The following KLKB1 variants were observed in gnomAD, a reference collection of about 807,000 sequenced individuals.
The protein encoded by KLKB1 is plasma kallikrein.
KLKB1 carries 58 observed loss-of-function variants against 73.6 expected under a neutral mutation model. The ratio of observed to expected loss-of-function variants is 0.79; its 90% CI spans 0.64 to 0.98. The LOEUF (loss-of-function observed/expected upper bound fraction) is 0.98, where lower values mean the gene tolerates loss of function less well. Ranked by LOEUF, KLKB1 falls within the 50% of genes least tolerant of loss-of-function variation. The pLI, the probability that KLKB1 is intolerant of heterozygous loss-of-function variation, is 0.00. For missense variants in KLKB1, 737 were observed against 763.8 expected, an observed-to-expected ratio of 0.96 and a Z score of 0.41; for synonymous variants, 280 against 258.1, an observed-to-expected ratio of 1.08 and a Z score of -0.81.
rs1391658179 is a variant in KLKB1, at chr4:186,257,342, G to A, written c.1702G>A (p.Glu568Lys). 1 of 1,597,074 alleles carries A rather than the reference G, an allele frequency of 6.3e-7. No homozygotes were observed. The highest frequency in any genetic ancestry group is 1.3e-5 in the African/African-American group (1 of 74,682). ...TQRMVCAGYK[E>K]GGKDACKGDS... ...ACGGATGGTCTGTGCTGGCTATAAAGAAGGGGGAAAAGATGCTTGTAAGGT... is the reference window on the plus strand; with the variant it reads ...ACGGATGGTCTGTGCTGGCTATAAAAAAGGGGGAAAAGATGCTTGTAAGGT... The change falls in exon 14 of 15, where the codon GAA (glutamate) becomes AAA (lysine). Residue 568 changes from glutamate (E) to lysine (K), a missense_variant. By Grantham distance (56) the Glu-to-Lys change is moderately conservative. Coordinates refer to ENST00000264690, the MANE Select transcript of KLKB1 (RefSeq NM_000892.5).
At chr4:186,238,139 C>T in intron 5 of KLKB1, 117 bp from the exon 6 acceptor site, 1 of 742,416 alleles carries the variant, frequency 1.3e-6, no homozygotes, top group East Asian at 2.7e-5. Context: ...ACCCCTAACC[C>T]ACTCATTATC....
chr4:186,232,514 C>G (rs935469908), intron 3 of KLKB1, among the ~76,000 whole-genome samples: 2 of 152,194 alleles, frequency 1.3e-5, no homozygotes, highest in Non-Finnish European at 2.9e-5. Context: ...TAAACAATCA[C>G]TGTGTTTCTT....
At chr4:186,257,119 C>T in intron 13 of KLKB1, 107 bp from the exon 14 acceptor site, 3 of 610,988 alleles carry the variant, frequency 4.9e-6, no homozygotes, top group South Asian at 2.7e-5. Flanking sequence ...AACTTATTTC[C>T]ATATTTATTA....
chr4:186,237,000 C>A, intron 5 of KLKB1, 60 bp downstream of exon 5: 1 of 1,548,942 alleles, frequency 6.5e-7, no homozygotes, highest in Non-Finnish European at 8.9e-7. Context: ...TCACTGTATT[C>A]TTCTTAACCT....
At chr4:186,232,034 G>A in intron 2 of KLKB1, 93 bp from the exon 3 acceptor site, 1 of 979,760 alleles carries the variant, frequency 1.0e-6, no homozygotes, top group Non-Finnish European at 1.5e-6. Context: ...TCTTTGAGTA[G>A]TCAGTCAGTG....
At chr4:186,222,392 G>C (rs58370149), upstream of KLKB1, among the ~76,000 whole-genome samples, 22,373 of 152,058 alleles carry the variant, frequency 0.15, 1,860 homozygotes, top group East Asian at 0.31. Context: ...GGAGCAATTT[G>C]CTTTGGTTCC....
chr4:186,229,399 T>C (rs1430652279), intron 2 of KLKB1, among the ~76,000 whole-genome samples: 2 of 152,108 alleles, frequency 1.3e-5, no homozygotes, highest in Non-Finnish European at 2.9e-5. Flanking sequence ...CAAAAAAGAG[T>C]TATTAACTGT....
At position 186,252,105 on chromosome 4, in the gene KLKB1, G is replaced by T. The variant is rs147666093; in HGVS notation, c.1233G>T (p.Lys411Asn). The T allele has an allele frequency of 4.3e-6, 7 of 1,614,032 alleles. No homozygotes were observed. In the South Asian group the frequency reaches 7.7e-5, roughly 18 times the overall value. Residue 411 changes from lysine to asparagine, a missense_variant, in exon 11 of 15, where the codon AAG becomes AAT. Lys to Asn is a moderately conservative substitution (Grantham distance 94). Transcript: ENST00000264690. Reference protein sequence around the residue: ...EWPWQVSLQVKLTAQRHLCGG... With the variant: ...EWPWQVSLQVNLTAQRHLCGG... ...CCTGGCAGGTGAGCCTGCAGGTGAA[G>T]CTGACAGCTCAGAGGCACCTGTGTG...
intron 11 of KLKB1, among the ~76,000 whole-genome samples, chr4:186,253,722 G>C (rs1305543226): frequency 6.6e-6 from 1 of 151,882 alleles, no homozygotes; most frequent in African/African-American, 2.4e-5. Context: ...ACAGAATAAG[G>C]CTTTGCTTTA....
chr4:186,220,005 A>C (rs1736998270), intron 2 of KLKB1, among the ~76,000 whole-genome samples: 1 of 152,106 alleles, frequency 6.6e-6, no homozygotes, highest in Non-Finnish European at 1.5e-5. Flanking sequence ...AGGATCTCAA[A>C]GTGTCCAGGT....
In KLKB1 at chr4:186,258,204, C is replaced by T; in HGVS notation, c.1909C>T (p.Pro637Ser). ...TGATGGAAAAGCTCAGATGCAGTCACCAGCATGAGAAGCAGTCCAGAGTCT... is the reference window on the plus strand; with the variant it reads ...TGATGGAAAAGCTCAGATGCAGTCATCAGCATGAGAAGCAGTCCAGAGTCT... The part of the protein sequence containing the change: ...SSDGKAQMQS[P>S]A Residue 637 changes from proline (P) to serine (S), a missense_variant, in exon 15 of 15, where the codon CCA becomes TCA. Physicochemically the swap from Pro to Ser is moderately conservative, Grantham distance 74 (BLOSUM62 -1). Coordinates refer to ENST00000264690, the MANE Select transcript of KLKB1 (RefSeq NM_000892.5). 1 of 1,613,804 alleles carries T rather than the reference C, an allele frequency of 6.2e-7. No homozygotes were observed. Among genetic ancestry groups the T allele is most frequent in the Non-Finnish European group, 8.5e-7 (1 of 1,179,878 alleles).
At chr4:186,255,854 G>A (rs971274683) in intron 12 of KLKB1, 138 bp from the exon 13 acceptor site, 1 of 663,026 alleles carries the variant, frequency 1.5e-6, no homozygotes, top group Non-Finnish European at 2.7e-6. Context: ...ATTAGCCTTA[G>A]AGGTTGGGCA....
Position 186,233,940 on chromosome 4 carries a change from C to A in KLKB1, c.222-12C>A. 3 of 1,591,548 alleles carry A rather than the reference C, an allele frequency of 1.9e-6. No homozygotes were observed. Among genetic ancestry groups the A allele is most frequent in the Non-Finnish European group, 2.6e-6 (3 of 1,159,604 alleles). On this transcript the variant is annotated splice_polypyrimidine_tract_variant and intron_variant, in intron 3 of 14. Coordinates refer to ENST00000264690, the MANE Select transcript of KLKB1 (RefSeq NM_000892.5). Reference sequence around the variant, plus strand: ...TTATTCTACTTCCTAAGTAAAGCTACTTTTAAAATAGGTTTGGTTGCTTCT... The same window carrying A: ...TTATTCTACTTCCTAAGTAAAGCTAATTTTAAAATAGGTTTGGTTGCTTCT...
chr4:186,220,881 G>C (rs142501053), intron 2 of KLKB1, among the ~76,000 whole-genome samples: 1 of 152,252 alleles, frequency 6.6e-6, no homozygotes, highest in Non-Finnish European at 1.5e-5. Flanking sequence ...AGTTTGAGAA[G>C]GATTGGTGTT....
At chr4:186,228,326 G>T in intron 2 of KLKB1, 73 bp downstream of exon 2, 1 of 918,424 alleles carries the variant, frequency 1.1e-6, no homozygotes, top group Non-Finnish European at 1.8e-6. Context: ...ACCACCCCTG[G>T]AGAAAGCTAT....
chr4:186,245,823 G>GTT (rs1561460148), intron 6 of KLKB1, among the ~76,000 whole-genome samples: 1 of 48,602 alleles, frequency 2.1e-5, no homozygotes, highest in Non-Finnish European at 5.8e-5. Flanking sequence ...TTTGTTTTTT[G>GTT]GTTTTTTTTT....
chr4:186,222,931 C>A (rs1489625134), upstream of KLKB1, among the ~76,000 whole-genome samples: 1 of 152,154 alleles, frequency 6.6e-6, no homozygotes, highest in Non-Finnish European at 1.5e-5. Flanking sequence ...CCCCAGGTGT[C>A]AAAGGAGGGA....
chr4:186,257,525 A>C lies in KLKB1; in HGVS notation c.1725+160A>C, dbSNP rs189045469. Among the ~76,000 whole-genome samples the C allele has an allele frequency of 1.9e-3, 294 of 152,050 alleles. 2 individuals carry two copies. Among genetic ancestry groups the C allele is most frequent in the African/African-American group, 6.8e-3 (281 of 41,526 alleles). On this transcript the variant is annotated intron_variant, in intron 14 of 14. Transcript: ENST00000264690. The stretch of plus-strand genomic sequence containing the variant: ...ACTTTTAACAAATTGAATATACATA[A>C]TATATATTTATATTATTTATGATAT...
upstream of KLKB1, among the ~76,000 whole-genome samples, chr4:186,225,599 A>T (rs1737141741): frequency 1.3e-5 from 2 of 150,984 alleles, no homozygotes; most frequent in African/African-American, 4.9e-5. Context: ...GCCTGGCTAA[A>T]TTTTTTTTGT....
Sources: gnomAD v4.1 joint callset for allele counts (sites outside exome capture counted in the v4.1 genomes callset) on GRCh38, gnomAD v4.1.1 for gene constraint, MANE v1.5 for transcripts, NCBI Gene and HGNC (gene_info 2026-07-23, HGNC 2026-07-21) for gene names.